Variants in YAP1 observed in about 807,000 individuals in gnomAD.
YAP1 encodes the protein transcriptional coactivator YAP1.
Under a neutral mutation model 56.9 loss-of-function variants are expected in YAP1, and 5 were observed. The observed-to-expected ratio is 0.09, with a 90% CI of 0.05 to 0.18. The LOEUF (loss-of-function observed/expected upper bound fraction) is 0.18, where lower values mean the gene tolerates loss of function less well. Among genes scored for constraint, YAP1 ranks in the 10% least tolerant of loss-of-function variants. The probability of loss-of-function intolerance (pLI) is 1.00; values close to 1 mark genes in which losing one functional copy is unlikely to be tolerated. For missense variants in YAP1, 539 were observed against 651.8 expected, an observed-to-expected ratio of 0.83 and a Z score of 1.88; for synonymous variants, 265 against 248.1, an observed-to-expected ratio of 1.07 and a Z score of -0.64.
At chr11:102,170,797 C>T (rs892862086) in intron 3 of YAP1, among the ~76,000 whole-genome samples, 7 of 151,764 alleles carry the variant, frequency 4.6e-5, no homozygotes, top group Non-Finnish European at 8.8e-5. Context: ...GGTGAAACCC[C>T]GTCTCTACTA....
At chr11:102,120,586 T>A (rs1943590261) in intron 2 of YAP1, among the ~76,000 whole-genome samples, 1 of 152,230 alleles carries the variant, frequency 6.6e-6, no homozygotes, top group African/African-American at 2.4e-5. Context: ...ATCAAGTTCT[T>A]CAGCAGGATT....
In YAP1 at chr11:102,150,802, G is replaced by GTTTTT. The variant is rs370378973; in HGVS notation, c.573-11641_573-11637dup. Reference sequence around the variant, plus strand: ...TTCAGTGAAAACATACATACAAATGGTTTTTTTTTTTTTTTTTGGAGACAG... The same window carrying GTTTTT: ...TTCAGTGAAAACATACATACAAATGGTTTTTTTTTTTTTTTTTTTTTTGGAGACAG... On this transcript the variant is annotated intron_variant, in intron 2 of 8. Transcript: ENST00000282441. 6.3e-3 allele frequency among the ~76,000 whole-genome samples: 683 copies of GTTTTT among 108,046 alleles called. 29 individuals carry two copies. Among genetic ancestry groups the GTTTTT allele is most frequent in the African/African-American group, 0.017 (546 of 31,250 alleles). 70.9% of individuals were successfully genotyped at this position (108,046 alleles called of 152,430 possible).
chr11:102,180,681 CAAAAA>C (rs58820066), intron 3 of YAP1, among the ~76,000 whole-genome samples: 2 of 42,610 alleles, frequency 4.7e-5, no homozygotes, highest in African/African-American at 1.6e-4. Context: ...GACTCCATCT[CAAAAA>C]AAAAAAAAAA....
At chr11:102,121,481 T>G (rs535966239) in intron 2 of YAP1, among the ~76,000 whole-genome samples, 9 of 152,238 alleles carry the variant, frequency 5.9e-5, no homozygotes, top group African/African-American at 2.2e-4. Flanking sequence ...TTCATAAGTT[T>G]TAAATTGCAG....
chr11:102,123,388 G>A (rs551623476), intron 2 of YAP1, among the ~76,000 whole-genome samples: 1 of 152,130 alleles, frequency 6.6e-6, no homozygotes, highest in East Asian at 1.9e-4. Context: ...CTTTCATCCT[G>A]GGGAGTTTCT....
intron 4 of YAP1, among the ~76,000 whole-genome samples, chr11:102,186,885 A>T (rs1325720622): frequency 6.9e-6 from 1 of 144,286 alleles, no homozygotes; most frequent in East Asian, 2.1e-4. Context: ...GGTTTCTGAG[A>T]TATTTTTCCA....
intron 6 of YAP1, among the ~76,000 whole-genome samples, chr11:102,215,523 G>A (rs1949615948): frequency 6.6e-6 from 1 of 152,192 alleles, no homozygotes; most frequent in South Asian, 2.1e-4. Flanking sequence ...CACCCAGGCT[G>A]GAGTGCAATG....
chr11:102,208,655 T>C (rs556538980), intron 5 of YAP1, among the ~76,000 whole-genome samples: 33 of 152,320 alleles, frequency 2.2e-4, no homozygotes, highest in African/African-American at 6.7e-4. Flanking sequence ...TTTTAAAATA[T>C]GTTTTATGTA....
intron 4 of YAP1, among the ~76,000 whole-genome samples, chr11:102,189,285 C>T (rs1418268091): frequency 6.6e-6 from 1 of 151,964 alleles, no homozygotes; most frequent in Non-Finnish European, 1.5e-5. Context: ...CAGTCATGGA[C>T]ATTTTCCAGT....
intron 2 of YAP1, among the ~76,000 whole-genome samples, chr11:102,123,115 TA>T: frequency 6.6e-6 from 1 of 152,314 alleles, no homozygotes; most frequent in South Asian, 2.1e-4. Context: ...CCTCCCATTA[TA>T]ATGACTATAA....
At chr11:102,132,148 T>A (rs980730394) in intron 2 of YAP1, among the ~76,000 whole-genome samples, 1 of 151,930 alleles carries the variant, frequency 6.6e-6, no homozygotes, top group Non-Finnish European at 1.5e-5. Flanking sequence ...GTGATACCGG[T>A]GAGCAGACAA....
chr11:102,114,099 T>G, intron 1 of YAP1, 45 bp from the exon 2 acceptor site: 1 of 1,549,940 alleles, frequency 6.5e-7, no homozygotes, highest in Non-Finnish European at 8.7e-7. Flanking sequence ...GGGACTCAGT[T>G]GTGTTTTTTC....
intron 2 of YAP1, among the ~76,000 whole-genome samples, chr11:102,125,840 G>T (rs1220073087): frequency 6.6e-6 from 1 of 151,938 alleles, no homozygotes. Context: ...TCATTGTCTA[G>T]GTAGGCTTCA....
intron 2 of YAP1, among the ~76,000 whole-genome samples, chr11:102,145,015 T>G (rs1269944605): frequency 6.6e-6 from 1 of 152,152 alleles, no homozygotes; most frequent in South Asian, 2.1e-4. Flanking sequence ...GTCAAATTTG[T>G]TTCTATATTG....
At chr11:102,188,916 A>G (rs1000046668) in intron 4 of YAP1, among the ~76,000 whole-genome samples, 1 of 150,944 alleles carries the variant, frequency 6.6e-6, no homozygotes, top group African/African-American at 2.4e-5. Flanking sequence ...TGGGTTTTTT[A>G]ATGATTTTTT....
intron 2 of YAP1, among the ~76,000 whole-genome samples, chr11:102,128,583 A>G (rs1207605996): frequency 6.6e-6 from 1 of 152,220 alleles, no homozygotes; most frequent in Admixed American, 6.5e-5. Flanking sequence ...AAGTGCTTTT[A>G]ACAAGCAAAT....
At position 102,110,792 on chromosome 11, in the gene YAP1, C is replaced by T; in HGVS notation, c.-57C>T. Reference sequence around the variant, plus strand: ...CCTCGGCCCGTGGAGCCGGGGCGTCCGGGCGTAGCCCTCGCTCGCCTGGGT... The same window carrying T: ...CCTCGGCCCGTGGAGCCGGGGCGTCTGGGCGTAGCCCTCGCTCGCCTGGGT... On this transcript the variant is annotated 5_prime_UTR_variant, in exon 1 of 9. Transcript: ENST00000282441. 1.6e-6 allele frequency: 2 copies of T among 1,277,508 alleles called. No individual in the cohort carries two copies. Among genetic ancestry groups the T allele is most frequent in the Non-Finnish European group, 2.0e-6 (2 of 1,015,084 alleles). The allele number at this position is 1,277,508 out of a possible 1,614,324, so 79.1% of individuals were successfully genotyped here.
intron 7 of YAP1, among the ~76,000 whole-genome samples, chr11:102,224,551 A>G (rs1950097812): frequency 6.6e-6 from 1 of 152,220 alleles, no homozygotes; most frequent in African/African-American, 2.4e-5. Context: ...GGTATTTTGC[A>G]CTAGGAAAAC....
intron 4 of YAP1, among the ~76,000 whole-genome samples, chr11:102,194,838 G>A (rs1435301166): frequency 6.6e-6 from 1 of 152,142 alleles, no homozygotes; most frequent in Non-Finnish European, 1.5e-5. Flanking sequence ...TAGAAATAAA[G>A]TGTTATAATT....
Sources: gnomAD v4.1 joint callset for allele counts (sites outside exome capture counted in the v4.1 genomes callset) on GRCh38, gnomAD v4.1.1 for gene constraint, MANE v1.5 for transcripts, NCBI Gene and HGNC (gene_info 2026-07-23, HGNC 2026-07-21) for gene names.